Variants in BET1 observed in about 807,000 individuals in gnomAD.
BET1 encodes BET1 homolog.
In BET1, 9 loss-of-function variants were observed where a neutral mutation model predicts 13.9. That is an observed-to-expected ratio of 0.65 (90% CI 0.39 to 1.13). BET1 has a LOEUF of 1.13. BET1 is among the 50% of genes most tolerant of loss of function. The pLI is 0.01. For missense variants in BET1, 127 were observed against 133.6 expected, an observed-to-expected ratio of 0.95 and a Z score of 0.24; for synonymous variants, 39 against 47.3, an observed-to-expected ratio of 0.82 and a Z score of 0.72.
chr7:93,981,944 G>A (rs1795436951), intron 4 of BET1, among the ~76,000 whole-genome samples: 1 of 152,180 alleles, frequency 6.6e-6, no homozygotes, highest in South Asian at 2.1e-4. Context: ...GCGGAGGATT[G>A]TGGGGAGAGT....
intron 5 of BET1, among the ~76,000 whole-genome samples, chr7:93,975,528 G>T (rs987109584): frequency 6.6e-5 from 10 of 151,956 alleles, no homozygotes; most frequent in Admixed American, 2.0e-4. Context: ...TATGGCTTTA[G>T]TTGTAAAAAA....
At chr7:93,980,142 A>G (rs1795402262) in intron 4 of BET1, among the ~76,000 whole-genome samples, 1 of 152,164 alleles carries the variant, frequency 6.6e-6, no homozygotes, top group African/African-American at 2.4e-5. Flanking sequence ...AGAATCAGAA[A>G]TCTCCCAACA....
At chr7:93,978,363 C>T (rs905154042) in intron 4 of BET1, among the ~76,000 whole-genome samples, 1 of 152,172 alleles carries the variant, frequency 6.6e-6, no homozygotes, top group African/African-American at 2.4e-5. Context: ...GCCACTGTGC[C>T]TGGCCTGCAA....
intron 6 of BET1, among the ~76,000 whole-genome samples, chr7:93,970,891 A>G (rs957318742): frequency 6.6e-6 from 1 of 151,822 alleles, no homozygotes; most frequent in African/African-American, 2.4e-5. Context: ...TAGATGGTAA[A>G]TTGTCAGAAT....
At position 93,993,501 on chromosome 7, in the gene BET1, G is replaced by A; in HGVS notation, c.*729C>T. 1.0e-6 allele frequency: 1 copy of A among 985,084 alleles called. No homozygotes were observed. Among genetic ancestry groups the A allele is most frequent in the Non-Finnish European group, 1.2e-6 (1 of 826,348 alleles). 61.0% of individuals were successfully genotyped at this position (985,084 alleles called of 1,614,324 possible). A position where few individuals can be genotyped will look rare whatever the true frequency, so the allele number is the denominator to read the frequency against. ...AACTTCACATTATTCTGTCACAAAT[G>A]ATAAATGTGCTACCTATGTAGTAAA... On this transcript the variant is annotated 3_prime_UTR_variant, in exon 4 of 4. Transcript: ENST00000222547.
intron 6 of BET1, among the ~76,000 whole-genome samples, chr7:93,971,355 T>C (rs1464570757): frequency 2.0e-5 from 3 of 151,780 alleles, no homozygotes; most frequent in Non-Finnish European, 2.9e-5. Context: ...CTGTTGTTAA[T>C]GCATTAGCAA....
intron 6 of BET1, among the ~76,000 whole-genome samples, chr7:93,971,649 T>G (rs1795260430): frequency 6.6e-6 from 1 of 151,816 alleles, no homozygotes; most frequent in Non-Finnish European, 1.5e-5. Flanking sequence ...TGGCCCCACT[T>G]ATGCTCACAT....
At chr7:93,990,607 T>C (rs1795613834), downstream of BET1, among the ~76,000 whole-genome samples, 1 of 152,120 alleles carries the variant, frequency 6.6e-6, no homozygotes, top group South Asian at 2.1e-4. Context: ...TGAGAAAACA[T>C]AGTAGGACAA....
intron 2 of BET1, among the ~76,000 whole-genome samples, chr7:93,998,484 A>T (rs1795820320): frequency 6.6e-6 from 1 of 152,148 alleles, no homozygotes; most frequent in Non-Finnish European, 1.5e-5. Flanking sequence ...GGATCACCTG[A>T]GATAAAGAGT....
chr7:93,971,379 G>A (rs552162458), intron 6 of BET1, among the ~76,000 whole-genome samples: 2 of 151,812 alleles, frequency 1.3e-5, no homozygotes, highest in Non-Finnish European at 2.9e-5. Context: ...ATAAATCCAA[G>A]TCCATGCCAT....
intron 6 of BET1, among the ~76,000 whole-genome samples, chr7:93,971,292 T>G (rs1347755759): frequency 6.6e-6 from 1 of 151,778 alleles, no homozygotes. Context: ...CCCTTTTTGG[T>G]GAAACAGGTA....
chr7:93,986,211 A>G (rs1795525567), intron 4 of BET1, among the ~76,000 whole-genome samples: 1 of 152,220 alleles, frequency 6.6e-6, no homozygotes, highest in Non-Finnish European at 1.5e-5. Context: ...AGAAACTTGA[A>G]TTTATAAAAT....
intron 4 of BET1, among the ~76,000 whole-genome samples, chr7:93,984,929 C>A (rs1795497178): frequency 6.6e-6 from 1 of 152,166 alleles, no homozygotes; most frequent in Admixed American, 6.6e-5. Flanking sequence ...CCAAATTCAA[C>A]TGCTGATTTA....
At chr7:93,981,962 C>T (rs1468887541) in intron 4 of BET1, among the ~76,000 whole-genome samples, 7 of 151,968 alleles carry the variant, frequency 4.6e-5, no homozygotes, top group Admixed American at 2.0e-4. Context: ...AGTGGATAGG[C>T]GAAGCTGAGT....
intron 4 of BET1, among the ~76,000 whole-genome samples, chr7:93,985,609 T>A (rs550507189): frequency 4.6e-5 from 7 of 152,318 alleles, no homozygotes; most frequent in African/African-American, 1.7e-4. Context: ...TATATTGTAA[T>A]GTATTCAAAC....
chr7:93,976,827 C>G (rs1027813108), intron 4 of BET1, among the ~76,000 whole-genome samples: 3 of 152,054 alleles, frequency 2.0e-5, no homozygotes, highest in African/African-American at 7.2e-5. Flanking sequence ...CCCTTACTAC[C>G]CTCCCACACT....
chr7:93,999,154 T>G lies in BET1; in HGVS notation c.144+16A>C, dbSNP rs781612321. 21 of 1,561,496 alleles carry G rather than the reference T, an allele frequency of 1.3e-5. No individual in the cohort carries two copies. The South Asian group carries it at 2.4e-4, about 18-fold the overall frequency. ...TATATGAATTAAAACACATATAATATTTGTTATATACTTACAGATTTTATA... is the reference window on the plus strand; with the variant it reads ...TATATGAATTAAAACACATATAATAGTTGTTATATACTTACAGATTTTATA... On this transcript the variant is annotated intron_variant, in intron 2 of 3. Coordinates refer to ENST00000222547, the MANE Select transcript of BET1 (RefSeq NM_005868.6).
intron 6 of BET1, among the ~76,000 whole-genome samples, chr7:93,966,768 CA>C (rs1562798514): frequency 6.6e-6 from 1 of 151,662 alleles, no homozygotes; most frequent in African/African-American, 2.4e-5. Flanking sequence ...TTTAGCAATA[CA>C]GGGGGAAGAA....
At chr7:93,983,842 A>G (rs773598105) in intron 4 of BET1, among the ~76,000 whole-genome samples, 3 of 152,204 alleles carry the variant, frequency 2.0e-5, no homozygotes, top group Non-Finnish European at 4.4e-5. Context: ...CATTGGCAAT[A>G]GCTGGCACTT....
Sources: allele counts gnomAD v4.1 joint callset (sites outside exome capture counted in the v4.1 genomes callset), GRCh38; gene constraint gnomAD v4.1.1; transcripts MANE v1.5; gene names NCBI Gene and HGNC (gene_info 2026-07-23, HGNC 2026-07-21).